Variants in GNB1L observed in about 807,000 individuals in gnomAD.
GNB1L encodes the protein G protein subunit beta 1 like.
A neutral mutation model predicts 29.1 loss-of-function variants in GNB1L; 20 were observed. The observed-to-expected ratio is 0.69, with a 90% confidence interval of 0.48 to 1.00. GNB1L has a LOEUF of 1.00. Among genes scored for constraint, GNB1L ranks in the 50% least tolerant of loss-of-function variants. The pLI, the probability that GNB1L is intolerant of heterozygous loss-of-function variation, is 0.00. For missense variants in GNB1L, 421 were observed against 464.9 expected (o/e 0.91, Z 0.87); for synonymous variants, 193 against 206.5 (o/e 0.93, Z 0.56).
chr22:19,796,860 G>A (rs902083315), intron 7 of GNB1L, among the ~76,000 whole-genome samples: 1 of 152,122 alleles, frequency 6.6e-6, no homozygotes, highest in Non-Finnish European at 1.5e-5. Flanking sequence ...AGCATGGCAA[G>A]GACAGAAACA....
chr22:19,821,202 C>A (rs762014555), intron 3 of GNB1L, 26 bp downstream of exon 3: 1 of 1,598,230 alleles, frequency 6.3e-7, no homozygotes, highest in East Asian at 2.2e-5. Context: ...CCTGGGTGGC[C>A]TGGGGCTGGG....
intron 4 of GNB1L, among the ~76,000 whole-genome samples, chr22:19,819,035 C>T (rs886784279): frequency 3.3e-5 from 5 of 152,226 alleles, no homozygotes; most frequent in Non-Finnish European, 5.9e-5. Context: ...TCAGCCCCAT[C>T]ACCTCCACAA....
At position 19,847,530 on chromosome 22, in the gene GNB1L, T is replaced by C. The variant is rs186496006; in HGVS notation, c.-21+6913A>G. The C allele has an allele frequency of 1.6e-4, 153 of 985,264 alleles. 1 individual carries two copies. The East Asian group carries it at 0.013, about 85-fold the overall frequency. 61.0% of individuals were successfully genotyped at this position (985,264 alleles called of 1,614,324 possible). On this transcript the variant is annotated intron_variant, in intron 2 of 7. Coordinates refer to ENST00000329517, the MANE Select transcript of GNB1L (RefSeq NM_053004.3). The stretch of plus-strand genomic sequence containing the variant: ...AAACTCTGGTCACAGCTCAAAAAGG[T>C]CAGGTAAGGACCCTCAGCTCATGCG...
chr22:19,794,317 C>T (rs1006636154), intron 7 of GNB1L, among the ~76,000 whole-genome samples: 2 of 151,732 alleles, frequency 1.3e-5, no homozygotes, highest in Admixed American at 1.3e-4. Flanking sequence ...TAGATCACAA[C>T]AGTCACAGAA....
At chr22:19,846,635 A>G (rs900363193) in intron 2 of GNB1L, 2 of 852,574 alleles carry the variant, frequency 2.3e-6, no homozygotes, top group African/African-American at 3.6e-5. Context: ...TAGTACTTAC[A>G]TTTGAAGACA....
intron 5 of GNB1L, among the ~76,000 whole-genome samples, chr22:19,809,569 C>T (rs1937475591): frequency 6.6e-6 from 1 of 152,174 alleles, no homozygotes; most frequent in South Asian, 2.1e-4. Context: ...TAAAAGAGCA[C>T]CCTGTAACAC....
intron 5 of GNB1L, among the ~76,000 whole-genome samples, chr22:19,811,145 T>G (rs1281512363): frequency 1.3e-5 from 2 of 152,328 alleles, no homozygotes; most frequent in Non-Finnish European, 2.9e-5. Flanking sequence ...GAAAAGTGTA[T>G]GTAGCTCCTA....
chr22:19,849,307 TGATA>T (rs372038860), intron 2 of GNB1L: 7 of 979,962 alleles, frequency 7.1e-6, no homozygotes, highest in African/African-American at 7.0e-5. Flanking sequence ...CCTTTTCTAG[TGATA>T]GTTACCATAA....
intron 7 of GNB1L, among the ~76,000 whole-genome samples, chr22:19,794,271 T>G (rs930914507): frequency 6.6e-6 from 1 of 152,124 alleles, no homozygotes; most frequent in Non-Finnish European, 1.5e-5. Context: ...AAACTAATAT[T>G]GTAAGGTGCA....
chr22:19,815,433 C>T (rs548657958), intron 4 of GNB1L, among the ~76,000 whole-genome samples: 2 of 152,320 alleles, frequency 1.3e-5, no homozygotes, highest in South Asian at 4.2e-4. Context: ...CTCAACATGA[C>T]ACTGCAGGGA....
chr22:19,848,607 AC>A (rs1226093262), intron 2 of GNB1L: 5 of 985,372 alleles, frequency 5.1e-6, no homozygotes, highest in Admixed American at 1.2e-4. Context: ...GCAGAGCCCA[AC>A]CACAATAAAC....
At chr22:19,812,565 G>T in intron 4 of GNB1L, 118 bp from the exon 5 acceptor site, 1 of 965,490 alleles carries the variant, frequency 1.0e-6, no homozygotes, top group Non-Finnish European at 1.5e-6. Context: ...CGTGAGCTTG[G>T]ATCATCGCAG....
At chr22:19,815,303 C>G (rs1007549643) in intron 4 of GNB1L, among the ~76,000 whole-genome samples, 1 of 152,210 alleles carries the variant, frequency 6.6e-6, no homozygotes, top group East Asian at 1.9e-4. Flanking sequence ...CTGGGCAACT[C>G]GGTCCCGTCC....
In GNB1L at chr22:19,785,236, TA is replaced by T. The variant is rs201504572; in HGVS notation, c.*3472del. 1.3e-5 allele frequency: 2 copies of T among 149,962 alleles called. No individual in the cohort carries two copies. Among genetic ancestry groups the T allele is most frequent in the South Asian group, 2.1e-4 (1 of 4,702 alleles). 9.3% of individuals were successfully genotyped at this position (149,962 alleles called of 1,614,324 possible). A position where few individuals can be genotyped will look rare whatever the true frequency, so the allele number is the denominator to read the frequency against. On this transcript the variant is annotated 3_prime_UTR_variant, in exon 8 of 8. Coordinates refer to ENST00000329517, the MANE Select transcript of GNB1L (RefSeq NM_053004.3). This position sits in a 1 kb window ranked among gnomAD's most constrained non-coding sequence, Gnocchi z 4.1. ...GCAACATAGCGAGACTCCTTCTCTA[TA>T]AAAAAAAATAAAAAATTAGCTGGGC...
chr22:19,815,197 T>C (rs1250134381), intron 4 of GNB1L, among the ~76,000 whole-genome samples: 2 of 152,214 alleles, frequency 1.3e-5, no homozygotes, highest in Non-Finnish European at 2.9e-5. Context: ...GTTATTATCA[T>C]GCACCATGCT....
At chr22:19,847,418 G>A in intron 2 of GNB1L, 2 of 984,802 alleles carry the variant, frequency 2.0e-6, no homozygotes, top group South Asian at 4.7e-5. Flanking sequence ...TGACACCCAT[G>A]AGGTGGGTGT....
intron 2 of GNB1L, among the ~76,000 whole-genome samples, chr22:19,840,996 A>G (rs1197999533): frequency 6.6e-6 from 1 of 152,184 alleles, no homozygotes; most frequent in Non-Finnish European, 1.5e-5. Flanking sequence ...AACAACAAGA[A>G]AAGTCTAAGA....
chr22:19,807,481 C>T (rs1462596042), intron 5 of GNB1L, among the ~76,000 whole-genome samples: 2 of 152,268 alleles, frequency 1.3e-5, no homozygotes, highest in East Asian at 3.9e-4. Context: ...CTGAACTTCC[C>T]CAGGTACAAG....
chr22:19,849,459 C>T, intron 2 of GNB1L: 3 of 330,220 alleles, frequency 9.1e-6, no homozygotes, highest in South Asian at 1.2e-4. Context: ...CCCTCTGCCT[C>T]CTGGGTTCAA....
Sources: gnomAD v4.1 joint callset for allele counts (sites outside exome capture counted in the v4.1 genomes callset) on GRCh38, gnomAD v4.1.1 for gene constraint, Gnocchi (gnomAD v3.1) non-coding constraint, MANE v1.5 for transcripts, NCBI Gene and HGNC (gene_info 2026-07-23, HGNC 2026-07-21) for gene names.